Variants in POFUT3 observed in about 807,000 individuals in gnomAD.
The protein encoded by POFUT3 is protein O-fucosyltransferase 3, also known as GDP-fucose protein O-fucosyltransferase 3.
chr8:33,445,525 C>T, the POFUT3 span, among the ~76,000 whole-genome samples: 2 of 151,974 alleles, frequency 1.3e-5, no homozygotes, highest in Non-Finnish European at 2.9e-5. Flanking sequence ...CCAGGGGTGG[C>T]GGTATAAGGA....
chr8:33,337,326 T>C, the POFUT3 span, among the ~76,000 whole-genome samples: 1 of 152,216 alleles, frequency 6.6e-6, no homozygotes, highest in Non-Finnish European at 1.5e-5. Context: ...CTCAGGAAGA[T>C]GGAAAAGTAC....
At chr8:33,432,731 G>C in the POFUT3 span, among the ~76,000 whole-genome samples, 21,218 of 152,104 alleles carry the variant, frequency 0.14, 1,907 homozygotes, top group Non-Finnish European at 0.2. Context: ...TATAGTGCTA[G>C]AATACATTAA....
At chr8:33,424,890 G>A in the POFUT3 span, among the ~76,000 whole-genome samples, 1 of 152,186 alleles carries the variant, frequency 6.6e-6, no homozygotes. Flanking sequence ...TGAGGTCAGT[G>A]CCAGGCACTG....
chr8:33,465,336 C>T, the POFUT3 span, among the ~76,000 whole-genome samples: 86,730 of 151,344 alleles, frequency 0.57, 25,060 homozygotes, highest in Non-Finnish European at 0.59. Flanking sequence ...TATTATTATT[C>T]CCAGTTCCCA....
the POFUT3 span, among the ~76,000 whole-genome samples, chr8:33,435,510 C>A: frequency 7.0e-6 from 1 of 143,836 alleles, no homozygotes; most frequent in Non-Finnish European, 1.5e-5. Flanking sequence ...GCCACCGCGC[C>A]CAGGCAACTT....
At chr8:33,309,167 A>AATATATATATAT in the POFUT3 span, among the ~76,000 whole-genome samples, 2 of 53,670 alleles carry the variant, frequency 3.7e-5, no homozygotes, top group African/African-American at 9.2e-5. Context: ...AAAAAAAAAA[A>AATATATATATAT]ATATATATAT....
At chr8:33,462,663 C>T in the POFUT3 span, among the ~76,000 whole-genome samples, 2 of 152,290 alleles carry the variant, frequency 1.3e-5, no homozygotes, top group East Asian at 1.9e-4. Context: ...GGTACAGTGG[C>T]TCATACCTTT....
the POFUT3 span, among the ~76,000 whole-genome samples, chr8:33,396,503 CT>C: frequency 6.6e-6 from 1 of 152,284 alleles, no homozygotes; most frequent in East Asian, 1.9e-4. Context: ...TCTAAAAATA[CT>C]ATGTTTCTTG....
chr8:33,390,326 ATCATTTC>A, the POFUT3 span, among the ~76,000 whole-genome samples: 1 of 152,150 alleles, frequency 6.6e-6, no homozygotes, highest in African/African-American at 2.4e-5. Context: ...GAGGGGGACT[ATCATTTC>A]TCATTTTACG....
chr8:33,437,899 C>T, the POFUT3 span, among the ~76,000 whole-genome samples: 1 of 152,294 alleles, frequency 6.6e-6, no homozygotes, highest in Non-Finnish European at 1.5e-5. Context: ...GACTGCCTAC[C>T]AGTTGCACAC....
chr8:33,370,167 A>C, the POFUT3 span, among the ~76,000 whole-genome samples: 6 of 83,830 alleles, frequency 7.2e-5, no homozygotes, highest in Non-Finnish European at 1.3e-4. Flanking sequence ...CCCCATCTTT[A>C]CTAAAAAAAA....
the POFUT3 span, among the ~76,000 whole-genome samples, chr8:33,328,345 C>G: frequency 6.6e-6 from 1 of 151,836 alleles, no homozygotes; most frequent in Non-Finnish European, 1.5e-5. Context: ...AGGTTTTACT[C>G]CTGCTTTTTC....
the POFUT3 span, among the ~76,000 whole-genome samples, chr8:33,388,692 T>C: frequency 6.6e-6 from 1 of 152,140 alleles, no homozygotes; most frequent in East Asian, 1.9e-4. Flanking sequence ...GTTTTCTGTG[T>C]CACTGCCCAG....
At chr8:33,420,293 C>CA in the POFUT3 span, among the ~76,000 whole-genome samples, 1 of 151,678 alleles carries the variant, frequency 6.6e-6, no homozygotes, top group African/African-American at 2.4e-5. Flanking sequence ...ATAAAATATA[C>CA]AAAAAAATGT....
chr8:33,407,056 G>A, the POFUT3 span, among the ~76,000 whole-genome samples: 3 of 152,070 alleles, frequency 2.0e-5, no homozygotes, highest in Non-Finnish European at 4.4e-5. Flanking sequence ...CATCCCCCAT[G>A]ATACTTAGGA....
the POFUT3 span, among the ~76,000 whole-genome samples, chr8:33,373,624 A>C: frequency 1.3e-5 from 2 of 152,078 alleles, no homozygotes; most frequent in African/African-American, 2.4e-5. Flanking sequence ...AATGGCCTAC[A>C]TGTTCAGGAT....
chr8:33,367,561 G>T, the POFUT3 span, among the ~76,000 whole-genome samples: 1 of 152,264 alleles, frequency 6.6e-6, no homozygotes, highest in South Asian at 2.1e-4. Flanking sequence ...CTGTGTGTGT[G>T]TCTTTAATTC....
the POFUT3 span, among the ~76,000 whole-genome samples, chr8:33,404,832 T>C: frequency 1.3e-5 from 2 of 152,150 alleles, no homozygotes; most frequent in Non-Finnish European, 2.9e-5. Context: ...GACTTGTATG[T>C]AACAAAACTA....
chr8:33,341,216 A>G, the POFUT3 span, among the ~76,000 whole-genome samples: 1 of 151,994 alleles, frequency 6.6e-6, no homozygotes. Flanking sequence ...TGGGCAGATC[A>G]CTTGAGGTCA....
Sources: gnomAD v4.1 joint callset for allele counts (sites outside exome capture counted in the v4.1 genomes callset) on GRCh38, gnomAD v4.1.1 for gene constraint, MANE v1.5 for transcripts, NCBI Gene and HGNC (gene_info 2026-07-23, HGNC 2026-07-21) for gene names.